PTPN14: variants seen among roughly 807,000 people sequenced by gnomAD.
The protein encoded by PTPN14 is tyrosine-protein phosphatase non-receptor type 14.
PTPN14 carries 53 observed loss-of-function variants against 126.8 expected under a neutral mutation model. That is an observed-to-expected ratio of 0.42 (90% CI 0.34 to 0.53). The LOEUF (loss-of-function observed/expected upper bound fraction) is 0.53. Among genes scored for constraint, PTPN14 ranks in the 20% least tolerant of loss-of-function variants. The pLI is 0.08. For synonymous variants in PTPN14, 630 were observed against 599.3 expected, an observed-to-expected ratio of 1.05 and a Z score of -0.75; for missense variants, 1,257 against 1,552.9, an observed-to-expected ratio of 0.81 and a Z score of 3.20.
chr1:214,471,655 T>TA (rs1391971631), intron 1 of PTPN14, among the ~76,000 whole-genome samples: 1 of 152,158 alleles, frequency 6.6e-6, no homozygotes, highest in East Asian at 1.9e-4. Flanking sequence ...TGGCAAAGCA[T>TA]AGAGTTTAAC....
intron 1 of PTPN14, among the ~76,000 whole-genome samples, chr1:214,501,304 C>G (rs1425742129): frequency 6.6e-6 from 1 of 152,088 alleles, no homozygotes; most frequent in Non-Finnish European, 1.5e-5. Flanking sequence ...TCCAGTGGCA[C>G]TCTCAACTCA....
chr1:214,363,470 G>T (rs574536864), intron 18 of PTPN14, among the ~76,000 whole-genome samples: 4 of 152,260 alleles, frequency 2.6e-5, no homozygotes, highest in African/African-American at 9.6e-5. Flanking sequence ...AAATCATTCT[G>T]TAATTTAAAA....
At chr1:214,419,351 T>C (rs1487424934) in intron 3 of PTPN14, among the ~76,000 whole-genome samples, 1 of 152,138 alleles carries the variant, frequency 6.6e-6, no homozygotes, top group Non-Finnish European at 1.5e-5. Flanking sequence ...TCTCTCCCCA[T>C]AGGCACGGTC....
chr1:214,499,788 A>C (rs1483844674), intron 1 of PTPN14, among the ~76,000 whole-genome samples: 2 of 151,748 alleles, frequency 1.3e-5, no homozygotes, highest in Non-Finnish European at 2.9e-5. Flanking sequence ...TTTTTTTTAG[A>C]TTGCCTAGGA....
intron 3 of PTPN14, among the ~76,000 whole-genome samples, chr1:214,423,118 A>G (rs1391285822): frequency 6.6e-6 from 1 of 151,950 alleles, no homozygotes; most frequent in East Asian, 1.9e-4. Flanking sequence ...ACCCAAAAGA[A>G]ACAAAAAAGG....
At chr1:214,463,903 C>T (rs1008381151) in intron 2 of PTPN14, among the ~76,000 whole-genome samples, 17 of 152,148 alleles carry the variant, frequency 1.1e-4, no homozygotes, top group African/African-American at 3.9e-4. Flanking sequence ...GTGGATTGCT[C>T]ACAAAAGTCT....
chr1:214,476,200 T>C (rs763869249), intron 1 of PTPN14, among the ~76,000 whole-genome samples: 2 of 152,216 alleles, frequency 1.3e-5, no homozygotes, highest in Non-Finnish European at 2.9e-5. Context: ...ACTGTACCAC[T>C]GTGTTGTGGA....
chr1:214,509,245 T>C (rs746870662), intron 1 of PTPN14, among the ~76,000 whole-genome samples: 31 of 152,238 alleles, frequency 2.0e-4, no homozygotes, highest in Non-Finnish European at 3.8e-4. Flanking sequence ...TGTAGCCACC[T>C]TCATCAGTGA....
At chr1:214,537,933 ATAT>A (rs1481541709) in intron 1 of PTPN14, among the ~76,000 whole-genome samples, 1 of 152,232 alleles carries the variant, frequency 6.6e-6, no homozygotes, top group East Asian at 1.9e-4. Flanking sequence ...TATACACAAA[ATAT>A]TATGTCAACA....
chr1:214,457,629 T>C (rs1660412464), intron 2 of PTPN14, among the ~76,000 whole-genome samples: 1 of 152,222 alleles, frequency 6.6e-6, no homozygotes, highest in Admixed American at 6.5e-5. Context: ...AATAGCACTG[T>C]TCAGCAGAAA....
chr1:214,505,520 G>A (rs1333914661), intron 1 of PTPN14, among the ~76,000 whole-genome samples: 4 of 152,176 alleles, frequency 2.6e-5, no homozygotes, highest in Non-Finnish European at 2.9e-5. Flanking sequence ...AGCTGAGGAC[G>A]GAATGGGAGA....
chr1:214,506,922 T>TTC (rs1654859390), intron 1 of PTPN14, among the ~76,000 whole-genome samples: 1 of 151,884 alleles, frequency 6.6e-6, no homozygotes, highest in South Asian at 2.1e-4. Context: ...TTTTTTTTTT[T>TTC]CCATGTTTTG....
Position 214,384,150 on chromosome 1 carries a change from G to A in PTPN14, c.1705C>T (p.Pro569Ser). Residue 569 changes from proline to serine, a missense_variant, in exon 13 of 19, where the codon CCC (proline) becomes TCC (serine). Pro to Ser is a moderately conservative substitution (Grantham distance 74). Coordinates refer to ENST00000366956, the MANE Select transcript of PTPN14 (RefSeq NM_005401.5). The surrounding 1 kb of genome is among the most constrained non-coding windows in gnomAD (Gnocchi z 5.3). The part of the protein sequence containing the change: ...LKNYLFRPPP[P>S]YPRPRPATST... ...GTGGCAGGTCGTGGCCGTGGGTAGG[G>A]GGGCGGTGGCCTGAAGAGATAGTTC... 1 of 1,580,042 alleles carries A rather than the reference G, an allele frequency of 6.3e-7. No homozygotes were observed. Among genetic ancestry groups the A allele is most frequent in the East Asian group, 2.2e-5 (1 of 44,592 alleles).
chr1:214,497,746 A>G (rs1571624188), intron 1 of PTPN14, among the ~76,000 whole-genome samples: 1 of 152,170 alleles, frequency 6.6e-6, no homozygotes, highest in East Asian at 1.9e-4. Context: ...TTTGTTTCTA[A>G]TTTCTTTTTT....
intron 1 of PTPN14, among the ~76,000 whole-genome samples, chr1:214,534,733 A>AATAAATAAATACATAC (rs1312992668): frequency 5.9e-5 from 9 of 151,746 alleles, no homozygotes; most frequent in Non-Finnish European, 1.3e-4. Context: ...TAAATAAATA[A>AATAAATAAATACATAC]ATAAATAAAA....
At chr1:214,517,487 T>C (rs796729613) in intron 1 of PTPN14, among the ~76,000 whole-genome samples, 2 of 138,436 alleles carry the variant, frequency 1.4e-5, no homozygotes, top group Admixed American at 7.2e-5. Flanking sequence ...AGCATAATAT[T>C]AAAAAAAAAA....
At chr1:214,525,311 G>A (rs1655362038) in intron 1 of PTPN14, among the ~76,000 whole-genome samples, 1 of 152,134 alleles carries the variant, frequency 6.6e-6, no homozygotes, top group Non-Finnish European at 1.5e-5. Context: ...TTTCTAAAAT[G>A]ATCCCAACAA....
Position 214,364,621 on chromosome 1 carries a change from C to T in PTPN14, c.3326G>A (p.Gly1109Asp). 6.2e-7 allele frequency: 1 copy of T among 1,614,104 alleles called. No homozygotes were observed. Among genetic ancestry groups the T allele is most frequent in the Non-Finnish European group, 8.5e-7 (1 of 1,180,040 alleles). ...GATGGGCGGGTGCCGGTTCTTGGTGCCTTCCAGCATGCTGTTGGTATGGCG... is the reference window on the plus strand; with the variant it reads ...GATGGGCGGGTGCCGGTTCTTGGTGTCTTCCAGCATGCTGTTGGTATGGCG... ...VRRHTNSMLE[G>D]TKNRHPPIVV... The change falls in exon 18 of 19, where the codon GGC becomes GAC. Residue 1109 changes from glycine (G) to aspartate (D), a missense_variant. Transcript: ENST00000366956. This position sits in a 1 kb window ranked among gnomAD's most constrained non-coding sequence, Gnocchi z 4.1.
chr1:214,362,353 C>A (rs562398597), intron 18 of PTPN14, among the ~76,000 whole-genome samples: 41 of 152,312 alleles, frequency 2.7e-4, no homozygotes, highest in South Asian at 1.0e-3. Flanking sequence ...AACAGAAGTT[C>A]TTTTTGGGTT....
Sources: gnomAD v4.1 joint callset for allele counts (sites outside exome capture counted in the v4.1 genomes callset) on GRCh38, gnomAD v4.1.1 for gene constraint, Gnocchi (gnomAD v3.1) non-coding constraint, MANE v1.5 for transcripts, NCBI Gene and HGNC (gene_info 2026-07-23, HGNC 2026-07-21) for gene names.